PPP4R2: variants seen among roughly 807,000 people sequenced by gnomAD.
PPP4R2 encodes serine/threonine-protein phosphatase 4 regulatory subunit 2.
Under a neutral mutation model 47.2 loss-of-function variants are expected in PPP4R2, and 13 were observed. The observed-to-expected ratio is 0.28, with a 90% CI of 0.18 to 0.44. The LOEUF is 0.44. PPP4R2 is among the 20% of genes least tolerant of loss of function. The pLI, the probability that PPP4R2 is intolerant of heterozygous loss-of-function variation, is 1.00. For synonymous variants in PPP4R2, 151 were observed against 163.3 expected (o/e 0.92, Z 0.57); for missense variants, 421 against 491.2 (o/e 0.86, Z 1.35).
At chr3:73,041,032 TA>T (rs1308416281) in intron 2 of PPP4R2, among the ~76,000 whole-genome samples, 7 of 152,170 alleles carry the variant, frequency 4.6e-5, no homozygotes, top group Admixed American at 3.9e-4. Flanking sequence ...TCTATGTCTT[TA>T]TTATTTCTTA....
intron 3 of PPP4R2, among the ~76,000 whole-genome samples, chr3:73,055,417 CGTGTGTGTGTGTGTGTGTGT>C (rs10663655): frequency 4.4e-5 from 6 of 137,346 alleles, no homozygotes; most frequent in Non-Finnish European, 7.7e-5. Context: ...AGTGGGGTAG[CGTGTGTGTGTGTGTGTGTGT>C]GTGTGTGTGT....
intron 2 of PPP4R2, among the ~76,000 whole-genome samples, chr3:73,020,020 AC>A (rs1411627898): frequency 6.6e-6 from 1 of 152,144 alleles, no homozygotes; most frequent in Non-Finnish European, 1.5e-5. Context: ...ATCATATGTC[AC>A]GATTTCTTCA....
intron 3 of PPP4R2, among the ~76,000 whole-genome samples, chr3:73,054,901 A>G (rs1033476673): frequency 3.9e-5 from 6 of 152,170 alleles, no homozygotes; most frequent in African/African-American, 1.4e-4. Context: ...TTTATCTTTT[A>G]AAAAATAGCA....
chr3:73,042,100 T>A (rs995774217), intron 2 of PPP4R2, among the ~76,000 whole-genome samples: 1 of 152,194 alleles, frequency 6.6e-6, no homozygotes, highest in Non-Finnish European at 1.5e-5. Flanking sequence ...ATTGAGTTAA[T>A]TTCAGTAAAG....
intron 2 of PPP4R2, among the ~76,000 whole-genome samples, chr3:73,025,146 A>C (rs1013416424): frequency 1.2e-4 from 18 of 152,192 alleles, no homozygotes; most frequent in African/African-American, 3.9e-4. Flanking sequence ...GTACCTTTTA[A>C]AGAAAATGGG....
At chr3:72,998,689 G>A (rs78297546) in intron 2 of PPP4R2, among the ~76,000 whole-genome samples, 25 of 152,302 alleles carry the variant, frequency 1.6e-4, no homozygotes, top group African/African-American at 5.8e-4. Flanking sequence ...GACTTTCTAA[G>A]ATAGCTGACT....
At chr3:73,033,154 A>T (rs1357126996) in intron 2 of PPP4R2, among the ~76,000 whole-genome samples, 1 of 152,194 alleles carries the variant, frequency 6.6e-6, no homozygotes, top group Non-Finnish European at 1.5e-5. Context: ...AGGCACAATA[A>T]CAATTTTTTT....
In PPP4R2 at chr3:73,066,511, A is replaced by C. The variant is rs1039156114; in HGVS notation, c.*789A>C. The C allele has an allele frequency of 3.3e-5, 5 of 152,150 alleles. No individual in the cohort carries two copies. The highest frequency in any genetic ancestry group is 4.1e-4 in the South Asian group (2 of 4,820). 9.4% of individuals were successfully genotyped at this position (152,150 alleles called of 1,614,324 possible). Reference sequence around the variant, plus strand: ...TTTGTATACTTCTGAGGTGCCTGAGAAAAAGACTTCATTATTTATGAGAAA... The same window carrying C: ...TTTGTATACTTCTGAGGTGCCTGAGCAAAAGACTTCATTATTTATGAGAAA... On this transcript the variant is annotated 3_prime_UTR_variant, in exon 9 of 9. Transcript: ENST00000356692.
chr3:73,006,434 C>T (rs995698205), intron 2 of PPP4R2, among the ~76,000 whole-genome samples: 1 of 152,082 alleles, frequency 6.6e-6, no homozygotes, highest in African/African-American at 2.4e-5. Flanking sequence ...TCGTAATCCA[C>T]CTGCCTCGGC....
chr3:73,061,204 C>T (rs1702851376), intron 5 of PPP4R2, 144 bp downstream of exon 5: 4 of 379,388 alleles, frequency 1.1e-5, no homozygotes, highest in Non-Finnish European at 1.8e-5. Context: ...ACCATTCAGT[C>T]CCCAAAGTAG....
chr3:73,002,291 C>G (rs568607518), intron 2 of PPP4R2, among the ~76,000 whole-genome samples: 2 of 152,280 alleles, frequency 1.3e-5, no homozygotes, highest in East Asian at 3.9e-4. Flanking sequence ...CTTGCTGTTG[C>G]CCAGGCTTTA....
chr3:73,046,572 G>C (rs1210286695), intron 2 of PPP4R2, among the ~76,000 whole-genome samples: 1 of 152,132 alleles, frequency 6.6e-6, no homozygotes, highest in Non-Finnish European at 1.5e-5. Context: ...GATGTGAAAA[G>C]TACCTAAGCA....
intron 2 of PPP4R2, among the ~76,000 whole-genome samples, chr3:73,031,727 G>C (rs1280909774): frequency 6.6e-6 from 1 of 152,140 alleles, no homozygotes; most frequent in Non-Finnish European, 1.5e-5. Flanking sequence ...GCATCTTACT[G>C]TGGTCTAACA....
Position 73,047,376 on chromosome 3 carries a change from T to C in PPP4R2, c.287+20T>C. On this transcript the variant is annotated intron_variant, in intron 3 of 8. Transcript: ENST00000356692. ...TAATGGGTATGCACTTAATACTGTT[T>C]TAAAGATTTAATTTTTAGCAGAAGA... is the stretch of plus-strand genomic sequence containing the variant. 1 of 1,477,752 alleles carries C rather than the reference T, an allele frequency of 6.8e-7. No individual in the cohort carries two copies. The highest frequency in any genetic ancestry group is 9.2e-7 in the Non-Finnish European group (1 of 1,091,816). 91.5% of individuals were successfully genotyped at this position (1,477,752 alleles called of 1,614,324 possible).
intron 2 of PPP4R2, among the ~76,000 whole-genome samples, chr3:73,034,327 A>G (rs1183542683): frequency 6.6e-6 from 1 of 152,042 alleles, no homozygotes; most frequent in Non-Finnish European, 1.5e-5. Flanking sequence ...CTTCCCTCCA[A>G]ATCTATAGTT....
chr3:73,015,417 TC>T (rs1476982241), intron 2 of PPP4R2, among the ~76,000 whole-genome samples: 3 of 151,610 alleles, frequency 2.0e-5, no homozygotes, highest in Non-Finnish European at 4.4e-5. Context: ...CCTCAAGTAA[TC>T]CACCCGCGTT....
At chr3:73,028,256 CAAAAA>C (rs60279021) in intron 2 of PPP4R2, among the ~76,000 whole-genome samples, 9 of 120,466 alleles carry the variant, frequency 7.5e-5, no homozygotes, top group Middle Eastern at 4.5e-3. Flanking sequence ...GACTCCGTCT[CAAAAA>C]AAAAAAAAAA....
rs1172743928 is a variant in PPP4R2, at chr3:73,021,844, C to CTGTG, written c.116+23687_116+23688insGTGT. On this transcript the variant is annotated intron_variant, in intron 2 of 8. Transcript: ENST00000356692. ...ACTTTAACAGTGAAGTATTACATTT[C>CTGTG]TATATGTGTGTGTGTGTGTGTGTGT... 3.7e-3 allele frequency among the ~76,000 whole-genome samples: 506 copies of CTGTG among 137,342 alleles called. 17 individuals are homozygous for CTGTG. The highest frequency in any genetic ancestry group is 0.028 in the Admixed American group (381 of 13,402). 90.1% of individuals were successfully genotyped at this position (137,342 alleles called of 152,430 possible). A position where few individuals can be genotyped will look rare whatever the true frequency, so the allele number is the denominator to read the frequency against.
chr3:73,039,977 C>G lies in PPP4R2; in HGVS notation c.117-7209C>G, dbSNP rs141794049. 3.2e-3 allele frequency among the ~76,000 whole-genome samples: 484 copies of G among 152,268 alleles called. 1 individual carries two copies. The highest frequency in any genetic ancestry group is 0.011 in the African/African-American group (467 of 41,550). ...GCTGAGGCAGGAGAATTGCTTGAACCAGGGAGGCGGAGGTTGTAGTGAGCC... is the reference window on the plus strand; with the variant it reads ...GCTGAGGCAGGAGAATTGCTTGAACGAGGGAGGCGGAGGTTGTAGTGAGCC... On this transcript the variant is annotated intron_variant, in intron 2 of 8. Coordinates refer to ENST00000356692, the MANE Select transcript of PPP4R2 (RefSeq NM_174907.4).
Sources: gnomAD v4.1 joint callset for allele counts (sites outside exome capture counted in the v4.1 genomes callset) on GRCh38, gnomAD v4.1.1 for gene constraint, MANE v1.5 for transcripts, NCBI Gene and HGNC (gene_info 2026-07-23, HGNC 2026-07-21) for gene names.